TRABD: variants seen among roughly 807,000 people sequenced by gnomAD.
TRABD encodes traB domain-containing protein.
A neutral mutation model predicts 39.6 loss-of-function variants in TRABD; 23 were observed. The ratio of observed to expected loss-of-function variants is 0.58; its 90% CI spans 0.42 to 0.82. The LOEUF is 0.82. TRABD is among the 40% of genes least tolerant of loss of function. TRABD has a pLI of 0.00. For synonymous variants in TRABD, 243 were observed against 232.1 expected (o/e 1.05, Z -0.43); for missense variants, 487 against 544.9 (o/e 0.89, Z 1.06).
At chr22:50,193,504 G>C in intron 2 of TRABD, 72 bp from the exon 3 acceptor site, 1 of 1,440,480 alleles carries the variant, frequency 6.9e-7, no homozygotes, top group Non-Finnish European at 9.8e-7. Context: ...TACGTGGTCC[G>C]TGGAGTTGCC....
chr22:50,195,280 C>T (rs1185575190), intron 5 of TRABD, among the ~76,000 whole-genome samples: 3 of 152,094 alleles, frequency 2.0e-5, no homozygotes, highest in Admixed American at 6.6e-5. Context: ...AGGGGCTGGT[C>T]ACCCGAGGAC....
At position 50,197,299 on chromosome 22, in the gene TRABD, C is replaced by G; in HGVS notation, c.479C>G (p.Thr160Ser). 6.2e-7 allele frequency: 1 copy of G among 1,613,848 alleles called. No individual in the cohort carries two copies. The highest frequency in any genetic ancestry group is 1.3e-5 in the African/African-American group (1 of 75,064). Residue 160 changes from threonine (T) to serine (S), a missense_variant, in exon 6 of 10, where the codon ACC becomes AGC. Thr to Ser is a moderately conservative substitution (Grantham distance 58, BLOSUM62 1). Coordinates refer to ENST00000380909, the MANE Select transcript of TRABD (RefSeq NM_001320485.2). ...CTGCTGAAGGTGTCTGCACACATCA[C>G]CGAGCAGCTGGGCATGGCCCCAGGT... is the stretch of plus-strand genomic sequence containing the variant. ...MLLLKVSAHI[T>S]EQLGMAPGGE...
intron 1 of TRABD, chr22:50,192,530 T>G: frequency 6.4e-6 from 1 of 156,102 alleles, no homozygotes; most frequent in Non-Finnish European, 1.4e-5. Context: ...TTTGTGTGCT[T>G]TGTGGATTCC....
chr22:50,193,647 G>A lies in TRABD; in HGVS notation c.105G>A (p.Gln35=), dbSNP rs1352229334. The change falls in exon 3 of 10, where the codon CAG becomes CAA. Residue 35 remains glutamine (Q), a synonymous_variant. Transcript: ENST00000380909. ...CCAGGGTGCTTTCTGGAGACCCCCA[G>A]AACCTGTGTACGTGTCCCTCAGGGT... is the stretch of plus-strand genomic sequence containing the variant. ...PVPRVLSGDP[Q]NLSDVDAFNL... 1.2e-6 allele frequency: 2 copies of A among 1,613,744 alleles called. No homozygotes were observed. The highest frequency in any genetic ancestry group is 1.7e-6 in the Non-Finnish European group (2 of 1,179,894).
chr22:50,199,271 C>A lies in TRABD; in HGVS notation c.*752C>A. The stretch of plus-strand genomic sequence containing the variant: ...AGCTGGGAGCCTGTGTCCTGAGCCC[C>A]CGGAGCGAAGGGGTGCCTGGGGCAT... On this transcript the variant is annotated 3_prime_UTR_variant, in exon 10 of 10. Transcript: ENST00000380909. 1 of 612,548 alleles carries A rather than the reference C, an allele frequency of 1.6e-6. No individual in the cohort carries two copies. 37.9% of individuals were successfully genotyped at this position (612,548 alleles called of 1,614,324 possible).
In TRABD at chr22:50,197,538, G is replaced by A; in HGVS notation, c.621G>A (p.Trp207Ter). Reference protein sequence around the residue: ...FKRAIAALSFWQKVRLAWGLC... With the variant: ...FKRAIAALSF ...GGGCCATCGCAGCGCTCTCCTTCTGGCAGAAGGTCAGGCTGGCTTGGGGCC... is the reference window on the plus strand; with the variant it reads ...GGGCCATCGCAGCGCTCTCCTTCTGACAGAAGGTCAGGCTGGCTTGGGGCC... Residue 207 changes from tryptophan to a stop codon, truncating the protein, a stop_gained, in exon 7 of 10, where the codon TGG becomes TGA. Coordinates refer to ENST00000380909, the MANE Select transcript of TRABD (RefSeq NM_001320485.2). LOFTEE classifies it high-confidence loss of function. 1 of 1,613,678 alleles carries A rather than the reference G, an allele frequency of 6.2e-7. No individual in the cohort carries two copies. The highest frequency in any genetic ancestry group is 8.5e-7 in the Non-Finnish European group (1 of 1,180,034).
Position 50,194,432 on chromosome 22 carries a change from G to A in TRABD, c.205G>A (p.Ala69Thr). The A allele has an allele frequency of 6.2e-7, 1 of 1,612,482 alleles. No homozygotes were observed. The highest frequency in any genetic ancestry group is 8.5e-7 in the Non-Finnish European group (1 of 1,179,572). The change falls in exon 4 of 10, where the codon GCT (alanine) becomes ACT (threonine). Residue 69 changes from alanine to threonine, a missense_variant. Physicochemically the swap from Ala to Thr is moderately conservative, Grantham distance 58. This residue lies in a region of TRABD where 358 missense variants were observed against 414.7 expected (regional missense o/e 0.86). Coordinates refer to ENST00000380909, the MANE Select transcript of TRABD (RefSeq NM_001320485.2). ...GCCGCGCACTGTGACCCAGTTGGTG[G>A]CTGAGGACGGGAGCAGGGTGTACGT... ...NLPRTVTQLV[A>T]EDGSRVYVVG...
At chr22:50,190,010 G>A (rs769821533) in intron 1 of TRABD, among the ~76,000 whole-genome samples, 1 of 152,236 alleles carries the variant, frequency 6.6e-6, no homozygotes, top group Non-Finnish European at 1.5e-5. Flanking sequence ...GAGCACAGCT[G>A]CCTGGGAGCA....
At position 50,194,713 on chromosome 22, in the gene TRABD, A is replaced by G. The variant is rs1019796131; in HGVS notation, c.280-187A>G. On this transcript the variant is annotated intron_variant, in intron 4 of 9. Transcript: ENST00000380909. ...GTGCGTTTTCCCACTTAACAAGTGA[A>G]CAAGCCTCACAGCTTCCTCTCTCGT... 7.2e-5 allele frequency among the ~76,000 whole-genome samples: 11 copies of G among 152,372 alleles called. No individual in the cohort carries two copies. The highest frequency in any genetic ancestry group is 2.0e-4 in the Admixed American group (3 of 15,308).
At position 50,197,458 on chromosome 22, in the gene TRABD, G is replaced by A. The variant is rs2064155795; in HGVS notation, c.541G>A (p.Val181Met). The A allele has an allele frequency of 6.2e-7, 1 of 1,613,844 alleles. No homozygotes were observed. The highest frequency in any genetic ancestry group is 8.5e-7 in the Non-Finnish European group (1 of 1,180,004). ...FREAFKEASKVPFCKFHLGDR... is the reference protein window; with the variant it reads ...FREAFKEASKMPFCKFHLGDR... ...CCAGCCTCTGCTCCAGGCCAGCAAG[G>A]TGCCTTTCTGCAAGTTCCACCTGGG... Residue 181 changes from valine to methionine, a missense_variant, in exon 7 of 10, where the codon GTG becomes ATG. This residue lies in a region of TRABD where 358 missense variants were observed against 414.7 expected (regional missense o/e 0.86). Transcript: ENST00000380909.
intron 4 of TRABD, 27 bp downstream of exon 4, chr22:50,194,533 G>A (rs537165674): frequency 6.4e-6 from 10 of 1,562,222 alleles, no homozygotes; most frequent in Admixed American, 1.9e-5. Context: ...GCCACATCCC[G>A]GACACGGGTT....
rs769826432 is a variant in TRABD at position 50,195,022 on chromosome 22, G to T, written c.402G>T (p.Leu134=). The part of the protein sequence containing the change: ...REAQELSLEK[L]QQAVRQNGLM... ...CCCAGGAGCTCAGCCTGGAGAAGCT[G>T]CAGCAGGCCGTGAGGCAGGTGCGCA... The change falls in exon 5 of 10, where the codon CTG becomes CTT. Residue 134 remains leucine, a synonymous_variant. Coordinates refer to ENST00000380909, the MANE Select transcript of TRABD (RefSeq NM_001320485.2). 1.2e-6 allele frequency: 2 copies of T among 1,601,186 alleles called. No homozygotes were observed. The highest frequency in any genetic ancestry group is 1.3e-5 in the African/African-American group (1 of 74,710).
chr22:50,197,774 C>CCCCCCCCCCAGGCCCAA, intron 7 of TRABD, 49 bp from the exon 8 acceptor site: 1 of 1,472,244 alleles, frequency 6.8e-7, no homozygotes. Flanking sequence ...GCCCCACCCC[C>CCCCCCCCCCAGGCCCAA]CCAGCCCGTT....
At chr22:50,196,231 A>G (rs754192445) in intron 5 of TRABD, among the ~76,000 whole-genome samples, 24 of 152,164 alleles carry the variant, frequency 1.6e-4, no homozygotes, top group Non-Finnish European at 1.9e-4. Context: ...CAGCCCCTCC[A>G]GAGGTGGAGT....
intron 7 of TRABD, 82 bp from the exon 8 acceptor site, chr22:50,197,741 C>A (rs1158918519): frequency 2.5e-6 from 4 of 1,580,200 alleles, no homozygotes; most frequent in Middle Eastern, 1.9e-4. Context: ...TGCTGTGGTC[C>A]CTGCCCGGTG....
chr22:50,195,354 C>G (rs1488743584), intron 5 of TRABD, among the ~76,000 whole-genome samples: 1 of 152,140 alleles, frequency 6.6e-6, no homozygotes, highest in Non-Finnish European at 1.5e-5. Context: ...CCCCCGGTAC[C>G]ACACCCAGGC....
intron 7 of TRABD, 59 bp from the exon 8 acceptor site, chr22:50,197,764 G>GGCCCC: frequency 9.0e-5 from 116 of 1,284,628 alleles, no homozygotes; most frequent in Non-Finnish European, 1.2e-4. Context: ...CACAGTGCCA[G>GGCCCC]CCCCACCCCC....
rs1405035118 is a variant in TRABD, at chr22:50,193,523, C to G, written c.34-53C>G. ...TGGTCCGTGGAGTTGCCACGGAGCCCTGGCTTTCTGGGGTGCATGGACCCT... is the reference window on the plus strand; with the variant it reads ...TGGTCCGTGGAGTTGCCACGGAGCCGTGGCTTTCTGGGGTGCATGGACCCT... On this transcript the variant is annotated intron_variant, in intron 2 of 9. Coordinates refer to ENST00000380909, the MANE Select transcript of TRABD (RefSeq NM_001320485.2). 1.2e-5 allele frequency: 19 copies of G among 1,573,596 alleles called. No individual in the cohort carries two copies. In the Admixed American group the frequency reaches 2.5e-4, roughly 21 times the overall value.
Position 50,194,972 on chromosome 22 carries a change from G to A in TRABD, c.352G>A (p.Asp118Asn). ...CQYRVSMLKM[D>N]ESTLLREAQE... Reference sequence around the variant, plus strand: ...ATATCGTGTGTCCATGCTGAAGATGGACGAGAGCACGCTGCTGCGGGAGGC... The same window carrying A: ...ATATCGTGTGTCCATGCTGAAGATGAACGAGAGCACGCTGCTGCGGGAGGC... Residue 118 changes from aspartate to asparagine, a missense_variant, in exon 5 of 10, where the codon GAC becomes AAC. By Grantham distance (23) the Asp-to-Asn change is conservative. This residue lies in a region of TRABD where 358 missense variants were observed against 414.7 expected (regional missense o/e 0.86). Transcript: ENST00000380909. The A allele has an allele frequency of 6.2e-7, 1 of 1,612,312 alleles. No individual in the cohort carries two copies. Among genetic ancestry groups the A allele is most frequent in the Non-Finnish European group, 8.5e-7 (1 of 1,179,910 alleles).
Sources: gnomAD v4.1 joint callset for allele counts (sites outside exome capture counted in the v4.1 genomes callset) on GRCh38, gnomAD v4.1.1 for gene constraint, gnomAD v4.1.1 regional missense constraint, MANE v1.5 for transcripts, NCBI Gene and HGNC (gene_info 2026-07-23, HGNC 2026-07-21) for gene names.